Variants in DMAC2 observed in about 807,000 individuals in gnomAD.
The protein encoded by DMAC2 is distal membrane arm assembly component 2, also known as distal membrane-arm assembly complex protein 2.
A neutral mutation model predicts 29.6 loss-of-function variants in DMAC2; 32 were observed. That is an observed-to-expected ratio of 1.08 (90% CI 0.81 to 1.45). The LOEUF (loss-of-function observed/expected upper bound fraction) is 1.45, where lower values mean the gene tolerates loss of function less well. Ranked by LOEUF, DMAC2 falls within the 40% of genes most tolerant of loss-of-function variation. DMAC2 has a pLI of 0.00. For missense variants in DMAC2, 319 were observed against 340.0 expected (o/e 0.94, Z 0.49); for synonymous variants, 133 against 137.4 (o/e 0.97, Z 0.23).
At chr19:41,433,170 A>G in intron 5 of DMAC2, 102 bp downstream of exon 5, 1 of 1,293,792 alleles carries the variant, frequency 7.7e-7, no homozygotes, top group Non-Finnish European at 1.0e-6. Flanking sequence ...GCAGGGGGAT[A>G]TGAGAACTGC....
In DMAC2 at chr19:41,438,368, A is replaced by G; in HGVS notation, c.65T>C (p.Ile22Thr). 1.9e-6 allele frequency: 3 copies of G among 1,614,218 alleles called. No homozygotes were observed. Among genetic ancestry groups the G allele is most frequent in the Non-Finnish European group, 2.5e-6 (3 of 1,180,036 alleles). Reference protein sequence around the residue: ...APMWNGRIRGIHRLGAAVAPE... With the variant: ...APMWNGRIRGTHRLGAAVAPE... ...GGCCACTGCCGCACCCAGGCGATGG[A>G]TGCCCCTGATACGCCCATTCCACAT... The change falls in exon 2 of 6, where the codon ATC (isoleucine) becomes ACC (threonine). Residue 22 changes from isoleucine to threonine, a missense_variant. By Grantham distance (89) the Ile-to-Thr change is moderately conservative (BLOSUM62 -1). Coordinates refer to ENST00000221943, the MANE Select transcript of DMAC2 (RefSeq NM_018035.3).
At position 41,438,354 on chromosome 19, in the gene DMAC2, C is replaced by T. The variant is rs1555771851; in HGVS notation, c.79G>A (p.Ala27Thr). 1 of 1,614,244 alleles carries T rather than the reference C, an allele frequency of 6.2e-7. No individual in the cohort carries two copies. Among genetic ancestry groups the T allele is most frequent in the South Asian group, 1.1e-5 (1 of 91,090 alleles). ...GRIRGIHRLG[A>T]AVAPEGNQKK... ...TGATTGCCCTCTGGGGCCACTGCCG[C>T]ACCCAGGCGATGGATGCCCCTGATA... The change falls in exon 2 of 6, where the codon GCG becomes ACG. Residue 27 changes from alanine to threonine, a missense_variant. By Grantham distance (58) the Ala-to-Thr change is moderately conservative (BLOSUM62 0). Transcript: ENST00000221943.
Position 41,438,946 on chromosome 19 carries a change from A to ATT in DMAC2, c.19-534_19-533dup, listed in dbSNP as rs11347788. 16 of 127,538 alleles carry ATT rather than the reference A, an allele frequency of 1.3e-4. No individual in the cohort carries two copies. The East Asian group carries it at 1.9e-3, about 15-fold the overall frequency. 7.9% of individuals were successfully genotyped at this position (127,538 alleles called of 1,614,324 possible). On this transcript the variant is annotated intron_variant, in intron 1 of 5. Transcript: ENST00000221943. ...AAAACATTAGGAGGATATTTTTGTG[A>ATT]TTTTTTTTTTTTTTTTTTTGGCTCA...
intron 3 of DMAC2, among the ~76,000 whole-genome samples, chr19:41,435,768 T>C (rs1600014384): frequency 1.3e-5 from 2 of 151,534 alleles, no homozygotes; most frequent in African/African-American, 4.8e-5. Context: ...ACAAAGCTGC[T>C]GAGGCTGTTC....
rs202176989 is a variant in DMAC2 at position 41,439,889 on chromosome 19, G to A, written c.11C>T (p.Pro4Leu). ...GGAACTCCGGTCACTTACCGCCCAG[G>A]GAGCCGCCATCTTGCTAAGGTTTCG... MAA[P>L]WASLRLVAPM... Residue 4 changes from proline to leucine, a missense_variant, in exon 1 of 6, where the codon CCC becomes CTC. By Grantham distance (98) the Pro-to-Leu change is moderately conservative. Coordinates refer to ENST00000221943, the MANE Select transcript of DMAC2 (RefSeq NM_018035.3). The A allele has an allele frequency of 3.7e-6, 6 of 1,614,092 alleles. No individual in the cohort carries two copies. In the Middle Eastern group the frequency reaches 4.9e-4, roughly 133 times the overall value.
rs1599993144 is a variant in DMAC2, at chr19:41,432,951, T to C, written c.596+321A>G. 7.9e-6 allele frequency: 4 copies of C among 509,156 alleles called. No homozygotes were observed. The South Asian group carries it at 1.3e-4, about 17-fold the overall frequency. The allele number at this position is 509,156 out of a possible 1,614,324, so 31.5% of individuals were successfully genotyped here. A position where few individuals can be genotyped will look rare whatever the true frequency, so the allele number is the denominator to read the frequency against. On this transcript the variant is annotated intron_variant, in intron 5 of 5. Coordinates refer to ENST00000221943, the MANE Select transcript of DMAC2 (RefSeq NM_018035.3). ...GCCCCAAATTTCAACCTTAGCTTCC[T>C]AAAATAAAATCTTTATAGCTGTCCA...
intron 5 of DMAC2, chr19:41,432,899 CAT>C (rs1297454480): frequency 2.0e-5 from 10 of 491,812 alleles, no homozygotes; most frequent in Non-Finnish European, 3.2e-5. Flanking sequence ...TGCATGCGTG[CAT>C]GTGTGTGTGT....
chr19:41,437,297 G>A (rs374949175), intron 2 of DMAC2, among the ~76,000 whole-genome samples: 1 of 152,198 alleles, frequency 6.6e-6, no homozygotes, highest in Non-Finnish European at 1.5e-5. Context: ...TTGGGAGGCT[G>A]AGGCGGGAGA....
At position 41,439,597 on chromosome 19, in the gene DMAC2, T is replaced by C. The variant is rs191715486; in HGVS notation, c.18+285A>G. 555 of 1,513,284 alleles carry C rather than the reference T, an allele frequency of 3.7e-4. 4 individuals are homozygous for C. The African/African-American group carries it at 5.9e-3, about 16-fold the overall frequency. The allele number at this position is 1,513,284 out of a possible 1,614,324, so 93.7% of individuals were successfully genotyped here. The stretch of plus-strand genomic sequence containing the variant: ...TCCTTGTGTCATCCCTCCCTCTGAT[T>C]GGTTAGTCGCGTCGCTCTTCGGCAG... On this transcript the variant is annotated intron_variant, in intron 1 of 5. Coordinates refer to ENST00000221943, the MANE Select transcript of DMAC2 (RefSeq NM_018035.3).
rs1555770201 is a variant in DMAC2, at chr19:41,433,540, G to A, written c.430C>T (p.Leu144Phe). ...ATCTCCACCCCACCGCACTCACGGAGGTTATCCAGGCCCTCGTAGTTGATG... is the reference window on the plus strand; with the variant it reads ...ATCTCCACCCCACCGCACTCACGGAAGTTATCCAGGCCCTCGTAGTTGATG... ...CDINYEGLDN[L>F]LRLKELQSLS... Residue 144 changes from leucine (L) to phenylalanine (F), a missense_variant, in exon 4 of 6, where the codon CTC (leucine) becomes TTC (phenylalanine). Physicochemically the swap from Leu to Phe is conservative, Grantham distance 22. Coordinates refer to ENST00000221943, the MANE Select transcript of DMAC2 (RefSeq NM_018035.3). 3 of 1,614,202 alleles carry A rather than the reference G, an allele frequency of 1.9e-6. No individual in the cohort carries two copies. Among genetic ancestry groups the A allele is most frequent in the South Asian group, 2.2e-5 (2 of 91,090 alleles).
Position 41,431,596 on chromosome 19 carries a change from C to T in DMAC2, c.*635G>A, listed in dbSNP as rs782180288. ...ACTGCGGCGTCCAGAGGCAGAAGCA[C>T]AACCAACAAGAACCACGAAGGAGGC... On this transcript the variant is annotated 3_prime_UTR_variant, in exon 6 of 6. Transcript: ENST00000221943. 1.1e-4 allele frequency: 34 copies of T among 298,614 alleles called. No individual in the cohort carries two copies. The highest frequency in any genetic ancestry group is 9.3e-5 in the Admixed American group (2 of 21,444). The allele number at this position is 298,614 out of a possible 1,614,324, so 18.5% of individuals were successfully genotyped here.
At chr19:41,437,424 T>G (rs2039926381) in intron 2 of DMAC2, among the ~76,000 whole-genome samples, 1 of 151,116 alleles carries the variant, frequency 6.6e-6, no homozygotes, top group African/African-American at 2.4e-5. Flanking sequence ...TTTGGCGGGG[T>G]GTGGTGGCTC....
At chr19:41,438,979 T>C (rs1471036072) in intron 1 of DMAC2, 1 of 155,590 alleles carries the variant, frequency 6.4e-6, no homozygotes, top group Non-Finnish European at 1.4e-5. Context: ...TCATCAGTTA[T>C]GGTTAGTGTA....
intron 5 of DMAC2, 150 bp downstream of exon 5, chr19:41,433,122 T>C: frequency 1.2e-6 from 1 of 843,394 alleles, no homozygotes; most frequent in Non-Finnish European, 1.8e-6. Context: ...TCACTGTGAC[T>C]GCTCATCTAC....
Position 41,432,178 on chromosome 19 carries a change from G to T in DMAC2, c.*53C>A. The T allele has an allele frequency of 6.4e-7, 1 of 1,572,304 alleles. No individual in the cohort carries two copies. Reference sequence around the variant, plus strand: ...AAGCCAGAAGTGTGGTGAGCTACCAGACATTCCATGCAGCCCGCTGAGAAG... The same window carrying T: ...AAGCCAGAAGTGTGGTGAGCTACCATACATTCCATGCAGCCCGCTGAGAAG... On this transcript the variant is annotated 3_prime_UTR_variant, in exon 6 of 6. Coordinates refer to ENST00000221943, the MANE Select transcript of DMAC2 (RefSeq NM_018035.3).
At chr19:41,439,509 T>C in intron 1 of DMAC2, 1 of 1,537,098 alleles carries the variant, frequency 6.5e-7, no homozygotes, top group Non-Finnish European at 8.7e-7. Context: ...AAATCCCACA[T>C]CCTCGAACAA....
At chr19:41,439,220 T>C (rs2040027461) in intron 1 of DMAC2, 3 of 438,492 alleles carry the variant, frequency 6.8e-6, no homozygotes, top group Non-Finnish European at 1.2e-5. Flanking sequence ...CCAAATTCTT[T>C]TTTTTTTTCA....
intron 3 of DMAC2, among the ~76,000 whole-genome samples, chr19:41,435,079 C>G (rs2039786787): frequency 6.6e-6 from 1 of 152,024 alleles, no homozygotes; most frequent in Non-Finnish European, 1.5e-5. Context: ...CAGTTAATCT[C>G]TCACTCCCCC....
At chr19:41,432,979 C>A in intron 5 of DMAC2, 1 of 524,596 alleles carries the variant, frequency 1.9e-6, no homozygotes, top group Non-Finnish European at 3.3e-6. Context: ...GCTGTCCAGG[C>A]ACATGAAGCC....
Sources: gnomAD v4.1 joint callset for allele counts (sites outside exome capture counted in the v4.1 genomes callset) on GRCh38, gnomAD v4.1.1 for gene constraint, MANE v1.5 for transcripts, NCBI Gene and HGNC (gene_info 2026-07-23, HGNC 2026-07-21) for gene names.